NCAPD3: variants seen among roughly 807,000 people sequenced by gnomAD.
NCAPD3 encodes the protein non-SMC condensin II complex subunit D3.
A neutral mutation model predicts 182.9 loss-of-function variants in NCAPD3; 105 were observed. That is an observed-to-expected ratio of 0.57 (90% CI 0.49 to 0.68). The LOEUF (loss-of-function observed/expected upper bound fraction) is 0.68, where lower values mean the gene tolerates loss of function less well. NCAPD3 is among the 30% of genes least tolerant of loss of function. NCAPD3 has a pLI of 0.00. For synonymous variants in NCAPD3, 815 were observed against 679.9 expected (o/e 1.20, Z -3.09); for missense variants, 1,944 against 1,837.0 (o/e 1.06, Z -1.07).
chr11:134,186,465 G>C (rs1744652301), intron 16 of NCAPD3, among the ~76,000 whole-genome samples: 1 of 152,164 alleles, frequency 6.6e-6, no homozygotes, highest in African/African-American at 2.4e-5. Flanking sequence ...CTCCTGTCTT[G>C]GCCTTCCAAA....
At chr11:134,181,485 A>G (rs1565537532) in intron 19 of NCAPD3, among the ~76,000 whole-genome samples, 1 of 152,232 alleles carries the variant, frequency 6.6e-6, no homozygotes, top group African/African-American at 2.4e-5. Flanking sequence ...GTAATTTGTA[A>G]GAGATCTATA....
chr11:134,222,470 G>C (rs1055146482), intron 1 of NCAPD3, among the ~76,000 whole-genome samples: 3 of 152,166 alleles, frequency 2.0e-5, no homozygotes, highest in African/African-American at 7.2e-5. Context: ...CAAATATCCT[G>C]ACTTGATCAC....
chr11:134,207,742 C>CAAAAAAAAAAAA (rs34965902), intron 7 of NCAPD3, among the ~76,000 whole-genome samples: 1 of 62,102 alleles, frequency 1.6e-5, no homozygotes, highest in Non-Finnish European at 3.1e-5. Flanking sequence ...GACTGCGTCT[C>CAAAAAAAAAAAA]AAAAAAAAAA....
chr11:134,198,533 C>T (rs1944683523), intron 13 of NCAPD3, among the ~76,000 whole-genome samples: 2 of 152,268 alleles, frequency 1.3e-5, no homozygotes, highest in East Asian at 1.9e-4. Flanking sequence ...GGCTGTGTCA[C>T]GGGCCATGGT....
In NCAPD3 at chr11:134,168,450, CCA is replaced by C. The variant is rs762473364; in HGVS notation, c.3373+17_3373+18del. On this transcript the variant is annotated intron_variant, in intron 26 of 34. Transcript: ENST00000534548. ...CATTTGCAAACACACACATTTTCTC[CCA>C]CACACACTGGGCTTACCCAAAATAC... 6.2e-7 allele frequency: 1 copy of C among 1,613,580 alleles called. No homozygotes were observed. Among genetic ancestry groups the C allele is most frequent in the Non-Finnish European group, 8.5e-7 (1 of 1,179,580 alleles).
Position 134,160,056 on chromosome 11 carries a change from G to A in NCAPD3, c.3703C>T (p.Arg1235Ter), listed in dbSNP as rs768293518. 5.0e-6 allele frequency: 8 copies of A among 1,613,938 alleles called. No homozygotes were observed. Among genetic ancestry groups the A allele is most frequent in the South Asian group, 3.3e-5 (3 of 91,078 alleles). Residue 1235 changes from arginine (R) to a stop codon, truncating the protein, a stop_gained, in exon 29 of 35, where the codon CGA becomes TGA. Transcript: ENST00000534548. LOFTEE classifies it high-confidence loss of function. ...GCAAAGAAGTCCTTGAGCTCATCTCGGTAATCCTGCATCACCTCCTGAAAC... is the reference window on the plus strand; with the variant it reads ...GCAAAGAAGTCCTTGAGCTCATCTCAGTAATCCTGCATCACCTCCTGAAAC... Reference protein sequence around the residue: ...HYLREVMQDYRDELKDFFAVD... With the variant: ...HYLREVMQDY
At chr11:134,212,389 G>GTT (rs1294713833) in intron 3 of NCAPD3, among the ~76,000 whole-genome samples, 1 of 150,856 alleles carries the variant, frequency 6.6e-6, no homozygotes, top group Non-Finnish European at 1.5e-5. Context: ...GTGTGTGTGT[G>GTT]TGTGTGTGTG....
At chr11:134,160,310 C>T (rs1174419595) in intron 28 of NCAPD3, among the ~76,000 whole-genome samples, 1 of 152,152 alleles carries the variant, frequency 6.6e-6, no homozygotes, top group Non-Finnish European at 1.5e-5. Flanking sequence ...CAGTAACTAA[C>T]AGGTACAATG....
chr11:134,158,102 C>T (rs771609026), intron 30 of NCAPD3, 35 bp from the exon 31 acceptor site: 2 of 1,602,922 alleles, frequency 1.2e-6, no homozygotes, highest in South Asian at 1.1e-5. Flanking sequence ...GACTTTCTCA[C>T]TGCAGACCAC....
intron 13 of NCAPD3, among the ~76,000 whole-genome samples, chr11:134,196,245 TAAAAG>T (rs1193129298): frequency 6.6e-6 from 1 of 152,070 alleles, no homozygotes; most frequent in African/African-American, 2.4e-5. Context: ...GTAGCCTACA[TAAAAG>T]AAACAAATTT....
At chr11:134,179,051 T>TACTA (rs770199401) in intron 20 of NCAPD3, 115 bp from the exon 21 acceptor site, 18 of 707,204 alleles carry the variant, frequency 2.5e-5, no homozygotes, top group Non-Finnish European at 4.0e-5. Flanking sequence ...AAAACAATGT[T>TACTA]ACTAGTTTTC....
intron 1 of NCAPD3, among the ~76,000 whole-genome samples, chr11:134,222,089 T>G (rs572224456): frequency 4.6e-5 from 7 of 152,360 alleles, no homozygotes; most frequent in African/African-American, 1.7e-4. Flanking sequence ...GGCCCTGTTA[T>G]CTACCATTTG....
chr11:134,223,512 T>C (rs1938323573), intron 1 of NCAPD3: 2 of 701,802 alleles, frequency 2.8e-6, no homozygotes, highest in Non-Finnish European at 5.2e-6. Flanking sequence ...GAAATAAGTC[T>C]GGCGGAAGAA....
In NCAPD3 at chr11:134,158,144, G is replaced by A. The variant is rs867526001; in HGVS notation, c.4035-77C>T. On this transcript the variant is annotated intron_variant, in intron 30 of 34. Coordinates refer to ENST00000534548, the MANE Select transcript of NCAPD3 (RefSeq NM_015261.3). ...GGTGACAGTGCTGCACTGTGTCCCC[G>A]CGTGCCTCCTCACCGGCGCATCCCT... 5.0e-5 allele frequency: 77 copies of A among 1,550,952 alleles called. No individual in the cohort carries two copies. The South Asian group carries it at 5.8e-4, about 12-fold the overall frequency.
chr11:134,187,354 A>G (rs1405841798), intron 16 of NCAPD3, among the ~76,000 whole-genome samples: 2 of 152,146 alleles, frequency 1.3e-5, no homozygotes, highest in South Asian at 2.1e-4. Context: ...CTTATCTCCA[A>G]CCTAACTCTG....
At chr11:134,190,497 ATTT>A (rs1440240689) in intron 16 of NCAPD3, among the ~76,000 whole-genome samples, 1 of 151,664 alleles carries the variant, frequency 6.6e-6, no homozygotes, top group East Asian at 1.9e-4. Context: ...CATCCTTTTT[ATTT>A]TTTTGAGATG....
In NCAPD3 at chr11:134,204,778, T is replaced by C. The variant is rs1944815864; in HGVS notation, c.1089+121A>G. 1 of 750,524 alleles carries C rather than the reference T, an allele frequency of 1.3e-6. No homozygotes were observed. The allele number at this position is 750,524 out of a possible 1,614,324, so 46.5% of individuals were successfully genotyped here. ...TCTAGTGAACATTAAATAAAACCAC[T>C]TTAAGTAACAATGCACACTCATTCC... is the stretch of plus-strand genomic sequence containing the variant. On this transcript the variant is annotated intron_variant, in intron 9 of 34. Coordinates refer to ENST00000534548, the MANE Select transcript of NCAPD3 (RefSeq NM_015261.3). The surrounding 1 kb of genome is among the most constrained non-coding windows in gnomAD (Gnocchi z 4.3).
Position 134,168,169 on chromosome 11 carries a change from G to C in NCAPD3, c.3400C>G (p.Leu1134Val). ...LACFADGILP[L>V]DLDASELLSD... ...AGTAACTCACTGGCGTCCAGGTCCAGGGGTAGGATGCCATCAGCAAAGCAC... is the reference window on the plus strand; with the variant it reads ...AGTAACTCACTGGCGTCCAGGTCCACGGGTAGGATGCCATCAGCAAAGCAC... The change falls in exon 27 of 35, where the codon CTG becomes GTG. Residue 1134 changes from leucine (L) to valine (V), a missense_variant. Around this residue, in one of 3 missense-constraint regions of NCAPD3, gnomAD observed 1,803 missense variants for 1,674.6 expected, o/e 1.08. Transcript: ENST00000534548. 6.2e-7 allele frequency: 1 copy of C among 1,614,152 alleles called. No homozygotes were observed. The highest frequency in any genetic ancestry group is 8.5e-7 in the Non-Finnish European group (1 of 1,179,982).
rs1277696567 is a variant in NCAPD3, at chr11:134,204,221, G to T, written c.1090-50C>A. Reference sequence around the variant, plus strand: ...CCAACCAATATCCACCCGCAGGATGGCTGAAACATATTCTGTAATATAAGT... The same window carrying T: ...CCAACCAATATCCACCCGCAGGATGTCTGAAACATATTCTGTAATATAAGT... On this transcript the variant is annotated intron_variant, in intron 9 of 34. Transcript: ENST00000534548. This position sits in a 1 kb window ranked among gnomAD's most constrained non-coding sequence, Gnocchi z 4.3. The T allele has an allele frequency of 6.3e-7, 1 of 1,594,520 alleles. No homozygotes were observed. The highest frequency in any genetic ancestry group is 8.6e-7 in the Non-Finnish European group (1 of 1,168,322).
Sources: allele counts gnomAD v4.1 joint callset (sites outside exome capture counted in the v4.1 genomes callset), GRCh38; gene constraint gnomAD v4.1.1; regional missense constraint gnomAD v4.1.1; non-coding constraint Gnocchi (gnomAD v3.1); transcripts MANE v1.5; gene names NCBI Gene and HGNC (gene_info 2026-07-23, HGNC 2026-07-21).